Variants in PPP1R12B observed in about 807,000 individuals in gnomAD.
The protein encoded by PPP1R12B is myosin phosphatase target subunit 2.
In PPP1R12B, 76 loss-of-function variants were observed where a neutral mutation model predicts 126.1. That is an observed-to-expected ratio of 0.60 (90% CI 0.50 to 0.73). The LOEUF (loss-of-function observed/expected upper bound fraction) is 0.73. Ranked by LOEUF, PPP1R12B falls within the 30% of genes least tolerant of loss-of-function variation. The pLI, the probability that PPP1R12B is intolerant of heterozygous loss-of-function variation, is 0.00. For synonymous variants in PPP1R12B, 356 were observed against 434.7 expected (o/e 0.82, Z 2.25); for missense variants, 1,052 against 1,205.1 (o/e 0.87, Z 1.88).
intron 18 of PPP1R12B, among the ~76,000 whole-genome samples, chr1:202,549,742 T>A (rs1181862835): frequency 1.3e-5 from 2 of 152,150 alleles, no homozygotes; most frequent in Non-Finnish European, 2.9e-5. Flanking sequence ...ACACTCTGTT[T>A]TATGAGTGTG....
chr1:202,370,091 G>A (rs140417463), intron 1 of PPP1R12B: 2 of 206,230 alleles, frequency 9.7e-6, no homozygotes, highest in Non-Finnish European at 1.9e-5. Flanking sequence ...TACCATGCCC[G>A]GCCTTGGGCA....
intron 4 of PPP1R12B, among the ~76,000 whole-genome samples, 176 bp downstream of exon 4, chr1:202,425,901 C>G (rs112562767): frequency 3.5e-4 from 54 of 152,286 alleles, no homozygotes; most frequent in African/African-American, 1.2e-3. Context: ...GATTGTCTCC[C>G]TCCCTCCTAC....
chr1:202,540,075 G>A (rs1684949739), intron 18 of PPP1R12B: 1 of 1,510,010 alleles, frequency 6.6e-7, no homozygotes, highest in Non-Finnish European at 8.9e-7. Context: ...GTAACCTACA[G>A]GGAAATTTCC....
rs189803535 is a variant in PPP1R12B at position 202,494,653 on chromosome 1, C to A, written c.2146-640C>A. The stretch of plus-strand genomic sequence containing the variant: ...CCCAGGAGGCAGAGGTTGCAGTGAG[C>A]CAAGATCGCAGCACTGCACTCCAGC... On this transcript the variant is annotated intron_variant, in intron 15 of 23. Transcript: ENST00000608999. Among the ~76,000 whole-genome samples the A allele has an allele frequency of 9.9e-4, 148 of 149,234 alleles. 1 individual carries two copies. In the Middle Eastern group the frequency reaches 0.011, roughly 11 times the overall value.
intron 19 of PPP1R12B, among the ~76,000 whole-genome samples, chr1:202,561,616 T>C (rs1329501299): frequency 6.6e-6 from 1 of 152,222 alleles, no homozygotes; most frequent in African/African-American, 2.4e-5. Context: ...CCTTTCACTT[T>C]CTACTTTAGA....
intron 18 of PPP1R12B, among the ~76,000 whole-genome samples, chr1:202,526,255 G>C (rs1683337006): frequency 6.6e-6 from 1 of 152,174 alleles, no homozygotes. Flanking sequence ...GATTGCTTCA[G>C]TTTTCTTAGT....
intron 18 of PPP1R12B, among the ~76,000 whole-genome samples, chr1:202,550,115 AG>A (rs1686157960): frequency 6.6e-6 from 1 of 152,232 alleles, no homozygotes; most frequent in Admixed American, 6.5e-5. Flanking sequence ...AAAGAGAAAA[AG>A]CCTGTGGAAT....
intron 13 of PPP1R12B, among the ~76,000 whole-genome samples, chr1:202,475,238 C>T (rs1202111072): frequency 6.6e-6 from 1 of 152,150 alleles, no homozygotes; most frequent in Non-Finnish European, 1.5e-5. Context: ...CTCATAGGGT[C>T]CTAGCAACTG....
chr1:202,491,754 A>C (rs564788089), intron 14 of PPP1R12B, among the ~76,000 whole-genome samples: 1 of 152,176 alleles, frequency 6.6e-6, no homozygotes, highest in Non-Finnish European at 1.5e-5. Flanking sequence ...GTCCATGTCA[A>C]AACTTGAATA....
chr1:202,494,747 A>G (rs1679328951), intron 15 of PPP1R12B, among the ~76,000 whole-genome samples: 1 of 152,038 alleles, frequency 6.6e-6, no homozygotes, highest in Admixed American at 6.5e-5. Context: ...CAACAACAAC[A>G]AAACAAAACT....
chr1:202,464,531 T>A (rs34334923), intron 13 of PPP1R12B, among the ~76,000 whole-genome samples: 1 of 152,148 alleles, frequency 6.6e-6, no homozygotes, highest in East Asian at 1.9e-4. Flanking sequence ...CTTTGTGCAC[T>A]TTCACCCTGG....
chr1:202,415,317 C>T (rs1334009241), intron 1 of PPP1R12B, among the ~76,000 whole-genome samples: 2 of 152,130 alleles, frequency 1.3e-5, no homozygotes, highest in African/African-American at 4.8e-5. Flanking sequence ...AAGGCACCAG[C>T]GGTTTTACTC....
chr1:202,560,853 A>G (rs979608651), intron 19 of PPP1R12B, among the ~76,000 whole-genome samples: 1 of 152,152 alleles, frequency 6.6e-6, no homozygotes, highest in Non-Finnish European at 1.5e-5. Context: ...GACACTATAA[A>G]CAGAGACAGA....
chr1:202,349,050 T>C lies in PPP1R12B; in HGVS notation c.199T>C (p.Ser67Pro). The C allele has an allele frequency of 6.2e-7, 1 of 1,613,928 alleles. No homozygotes were observed. The change falls in exon 1 of 24, where the codon TCT becomes CCT. Residue 67 changes from serine (S) to proline (P), a missense_variant. By Grantham distance (74) the Ser-to-Pro change is moderately conservative. Transcript: ENST00000608999. ...EDGAVFLAAC[S>P]SGDTDEVRKL... is the part of the protein sequence containing the mutation. ...CGGTGCTGTCTTTCTGGCCGCCTGCTCTAGCGGGGACACCGACGAGGTGAG... is the reference window on the plus strand; with the variant it reads ...CGGTGCTGTCTTTCTGGCCGCCTGCCCTAGCGGGGACACCGACGAGGTGAG...
intron 12 of PPP1R12B, among the ~76,000 whole-genome samples, chr1:202,446,413 C>A (rs1348001054): frequency 1.4e-5 from 2 of 148,026 alleles, no homozygotes; most frequent in Non-Finnish European, 3.0e-5. Flanking sequence ...GCCACCATAC[C>A]CGGCTAATTT....
intron 23 of PPP1R12B, among the ~76,000 whole-genome samples, chr1:202,573,999 C>T (rs1317564414): frequency 6.6e-6 from 1 of 152,112 alleles, no homozygotes; most frequent in Non-Finnish European, 1.5e-5. Flanking sequence ...AGGTCAGAGA[C>T]AGGTTAGCAG....
chr1:202,444,900 G>T (rs1672052853), intron 12 of PPP1R12B: 2 of 546,042 alleles, frequency 3.7e-6, no homozygotes, highest in Non-Finnish European at 5.6e-6. Flanking sequence ...AGCTCTAGCT[G>T]GAGTTGATCA....
intron 13 of PPP1R12B, among the ~76,000 whole-genome samples, chr1:202,468,321 T>C (rs529759014): frequency 6.6e-6 from 1 of 152,304 alleles, no homozygotes; most frequent in South Asian, 2.1e-4. Context: ...CTGAATGGTA[T>C]TGCCTAGGTT....
chr1:202,463,882 T>C (rs1674636220), intron 13 of PPP1R12B, among the ~76,000 whole-genome samples: 1 of 152,166 alleles, frequency 6.6e-6, no homozygotes, highest in African/African-American at 2.4e-5. Context: ...TTCTCTCTAT[T>C]TTTCTTATCC....
Sources: gnomAD v4.1 joint callset for allele counts (sites outside exome capture counted in the v4.1 genomes callset) on GRCh38, gnomAD v4.1.1 for gene constraint, MANE v1.5 for transcripts, NCBI Gene and HGNC (gene_info 2026-07-23, HGNC 2026-07-21) for gene names.